Variants in ZNF638 observed in about 807,000 individuals in gnomAD.
ZNF638 encodes CTCL tumor antigen se33-1.
ZNF638 carries 46 observed loss-of-function variants against 195.6 expected under a neutral mutation model. That is an observed-to-expected ratio of 0.24 (90% CI 0.19 to 0.30). The LOEUF (loss-of-function observed/expected upper bound fraction) is 0.30. Ranked by LOEUF, ZNF638 falls within the 10% of genes least tolerant of loss-of-function variation. The pLI is 1.00. For synonymous variants in ZNF638, 845 were observed against 772.0 expected (o/e 1.09, Z -1.57); for missense variants, 2,440 against 2,325.3 (o/e 1.05, Z -1.01).
intron 10 of ZNF638, among the ~76,000 whole-genome samples, chr2:71,392,687 AGTTT>A (rs1278559065): frequency 6.6e-6 from 1 of 152,090 alleles, no homozygotes; most frequent in Non-Finnish European, 1.5e-5. Context: ...CAGTCGCTTC[AGTTT>A]TTCCACCAAA....
chr2:71,381,210 A>G (rs1382578635), intron 10 of ZNF638, among the ~76,000 whole-genome samples: 1 of 152,180 alleles, frequency 6.6e-6, no homozygotes, highest in Non-Finnish European at 1.5e-5. Context: ...AAAAGCTAAA[A>G]TAAGGCAGAG....
At chr2:71,424,764 A>T in intron 23 of ZNF638, 49 bp downstream of exon 23, 1 of 1,433,192 alleles carries the variant, frequency 7.0e-7, no homozygotes, top group African/African-American at 1.4e-5. Flanking sequence ...TCTCCATAGC[A>T]CAGTTCATCT....
rs2080589746 is a variant in ZNF638, at chr2:71,428,640, A to T, written c.5639A>T (p.Gln1880Leu). ...TEPAKGEEAF[Q>L]MSEVDEESGL... ...CCAGCAAAAGGTGAAGAGGCCTTCC[A>T]GATGAGTGAAGGTAAAGCAGGATTG... Residue 1880 changes from glutamine to leucine, a missense_variant, in exon 25 of 28, where the codon CAG (glutamine) becomes CTG (leucine). Physicochemically the swap from Gln to Leu is moderately radical, Grantham distance 113 (BLOSUM62 -2). Around this residue, in one of 5 missense-constraint regions of ZNF638, gnomAD observed 1,883 missense variants for 1,739.1 expected, o/e 1.08. Coordinates refer to ENST00000264447, the MANE Select transcript of ZNF638 (RefSeq NM_014497.5). The T allele has an allele frequency of 1.2e-6, 2 of 1,613,610 alleles. No homozygotes were observed. The highest frequency in any genetic ancestry group is 1.7e-6 in the Non-Finnish European group (2 of 1,179,678).
chr2:71,434,808 T>C lies in ZNF638; in HGVS notation c.*1T>C, dbSNP rs1302896350. ...GGCTGAAGAAAGAAGCTCTAGGTGA[T>C]TGGGGGAAAGGAAAGAATTCACTAG... On this transcript the variant is annotated 3_prime_UTR_variant, in exon 28 of 28. Transcript: ENST00000264447. 18 of 1,600,342 alleles carry C rather than the reference T, an allele frequency of 1.1e-5. No homozygotes were observed. The highest frequency in any genetic ancestry group is 2.2e-5 in the East Asian group (1 of 44,642).
At chr2:71,398,934 C>A (rs1381156406) in intron 12 of ZNF638, among the ~76,000 whole-genome samples, 162 bp downstream of exon 12, 3 of 152,066 alleles carry the variant, frequency 2.0e-5, no homozygotes, top group Non-Finnish European at 4.4e-5. Context: ...GGCAGATAGG[C>A]AGATATATTT....
chr2:71,418,202 T>C (rs1318486051), intron 20 of ZNF638: 2 of 155,342 alleles, frequency 1.3e-5, no homozygotes, highest in Non-Finnish European at 2.8e-5. Flanking sequence ...TTAGCATTTC[T>C]AGGTATTTTG....
intron 1 of ZNF638, among the ~76,000 whole-genome samples, chr2:71,339,506 T>G (rs1036364702): frequency 6.6e-6 from 1 of 152,184 alleles, no homozygotes; most frequent in Non-Finnish European, 1.5e-5. Flanking sequence ...AATGGAAACA[T>G]TTTTTGGCCA....
intron 1 of ZNF638, among the ~76,000 whole-genome samples, chr2:71,337,902 T>G (rs2078698512): frequency 6.6e-6 from 1 of 152,216 alleles, no homozygotes; most frequent in South Asian, 2.1e-4. Flanking sequence ...GAAGTTGACA[T>G]TTTTGAAGAA....
At position 71,427,046 on chromosome 2, in the gene ZNF638, T is replaced by G; in HGVS notation, c.5177T>G (p.Val1726Gly). 6.2e-7 allele frequency: 1 copy of G among 1,613,724 alleles called. No individual in the cohort carries two copies. The highest frequency in any genetic ancestry group is 1.3e-5 in the African/African-American group (1 of 75,034). The change falls in exon 24 of 28, where the codon GTG becomes GGG. Residue 1726 changes from valine to glycine, a missense_variant. Val to Gly is a moderately radical substitution (Grantham distance 109, BLOSUM62 -3). Transcript: ENST00000264447. ...RDSIGFISSQ[V>G]PEDPSTLVTV... Reference sequence around the variant, plus strand: ...TCCATTGGCTTCATTTCTTCTCAGGTGCCCGAAGACCCTTCTACTTTAGTT... The same window carrying G: ...TCCATTGGCTTCATTTCTTCTCAGGGGCCCGAAGACCCTTCTACTTTAGTT...
chr2:71,431,736 G>T lies in ZNF638; in HGVS notation c.5752+308G>T, dbSNP rs1455265236. 2.0e-5 allele frequency among the ~76,000 whole-genome samples: 3 copies of T among 151,422 alleles called. No individual in the cohort carries two copies. In the East Asian group the frequency reaches 5.8e-4, roughly 29 times the overall value. ...GATAGCGCCACTGCACTCCAGCCTG[G>T]GCGACAGAGTGAGACTCCGTCTCAA... On this transcript the variant is annotated intron_variant, in intron 26 of 27. Coordinates refer to ENST00000264447, the MANE Select transcript of ZNF638 (RefSeq NM_014497.5).
chr2:71,341,605 T>G lies in ZNF638; in HGVS notation c.-202-7148T>G, dbSNP rs560490883. 2.6e-5 allele frequency: 4 copies of G among 152,328 alleles called. No homozygotes were observed. The South Asian group carries it at 8.3e-4, about 32-fold the overall frequency. 9.4% of individuals were successfully genotyped at this position (152,328 alleles called of 1,614,324 possible). A position where few individuals can be genotyped will look rare whatever the true frequency, so the allele number is the denominator to read the frequency against. Reference sequence around the variant, plus strand: ...AACAAGCACACATTACTTACATAACTAGGAATAAAACATTTATTTTAAAGG... The same window carrying G: ...AACAAGCACACATTACTTACATAACGAGGAATAAAACATTTATTTTAAAGG... On this transcript the variant is annotated intron_variant, in intron 1 of 27. Coordinates refer to ENST00000264447, the MANE Select transcript of ZNF638 (RefSeq NM_014497.5).
At chr2:71,386,425 A>AT (rs2079641581) in intron 10 of ZNF638, among the ~76,000 whole-genome samples, 1 of 152,218 alleles carries the variant, frequency 6.6e-6, no homozygotes, top group Non-Finnish European at 1.5e-5. Flanking sequence ...TTAATAATGC[A>AT]TTAGATGCAT....
intron 1 of ZNF638, among the ~76,000 whole-genome samples, chr2:71,337,752 C>CCCT (rs2078695874): frequency 1.1e-4 from 16 of 151,204 alleles, no homozygotes; most frequent in South Asian, 2.1e-4. Context: ...TGTCAATTGA[C>CCCT]CCAATATTGT....
intron 1 of ZNF638, 143 bp from the exon 2 acceptor site, chr2:71,348,610 C>A: frequency 4.1e-6 from 5 of 1,212,120 alleles, no homozygotes; most frequent in Non-Finnish European, 5.2e-6. Context: ...AAATTTAAAT[C>A]TTCGTAAGCC....
At chr2:71,350,319 G>A in intron 2 of ZNF638, 48 bp downstream of exon 2, 1 of 1,544,546 alleles carries the variant, frequency 6.5e-7, no homozygotes, top group Non-Finnish European at 8.7e-7. Flanking sequence ...CTCAGCGCCA[G>A]TTTTCTCTAA....
At chr2:71,410,886 G>T (rs1205643160) in intron 20 of ZNF638, among the ~76,000 whole-genome samples, 1 of 150,656 alleles carries the variant, frequency 6.6e-6, no homozygotes, top group Non-Finnish European at 1.5e-5. Flanking sequence ...GAGAGGGTTG[G>T]TATTGCTAGT....
At chr2:71,410,786 G>A (rs1438246362) in intron 20 of ZNF638, among the ~76,000 whole-genome samples, 1 of 152,072 alleles carries the variant, frequency 6.6e-6, no homozygotes, top group Non-Finnish European at 1.5e-5. Context: ...AAGAGAGCAA[G>A]CTCTAAGAAA....
At chr2:71,356,649 G>A (rs1218266201) in intron 3 of ZNF638, among the ~76,000 whole-genome samples, 1 of 152,048 alleles carries the variant, frequency 6.6e-6, no homozygotes, top group African/African-American at 2.4e-5. Context: ...AATCAGCCAG[G>A]CATGGTAGTA....
At position 71,426,887 on chromosome 2, in the gene ZNF638, A is replaced by G; in HGVS notation, c.5018A>G (p.Asp1673Gly). 1 of 1,614,210 alleles carries G rather than the reference A, an allele frequency of 6.2e-7. No homozygotes were observed. ...GTTCTGTCAGTGGCTGAAGAACAAGATCTCCTCAAACAGGAACGCTTGGTA... is the reference window on the plus strand; with the variant it reads ...GTTCTGTCAGTGGCTGAAGAACAAGGTCTCCTCAAACAGGAACGCTTGGTA... ...VTVLSVAEEQDLLKQERLVTV... is the reference protein window; with the variant it reads ...VTVLSVAEEQGLLKQERLVTV... The change falls in exon 24 of 28, where the codon GAT becomes GGT. Residue 1673 changes from aspartate (D) to glycine (G), a missense_variant. Physicochemically the swap from Asp to Gly is moderately conservative, Grantham distance 94. This residue lies in a region of ZNF638 where 1,883 missense variants were observed against 1,739.1 expected (regional missense o/e 1.08). Coordinates refer to ENST00000264447, the MANE Select transcript of ZNF638 (RefSeq NM_014497.5).
Sources: allele counts gnomAD v4.1 joint callset (sites outside exome capture counted in the v4.1 genomes callset), GRCh38; gene constraint gnomAD v4.1.1; regional missense constraint gnomAD v4.1.1; transcripts MANE v1.5; gene names NCBI Gene and HGNC (gene_info 2026-07-23, HGNC 2026-07-21).